Variants in LIG4 observed in about 807,000 individuals in gnomAD.
LIG4 encodes the protein DNA joinase.
A neutral mutation model predicts 19.0 loss-of-function variants in LIG4; 13 were observed. The ratio of observed to expected loss-of-function variants is 0.68; its 90% CI spans 0.44 to 1.09. The LOEUF is 1.09. LIG4 is among the 50% of genes least tolerant of loss of function. The probability of loss-of-function intolerance (pLI) is 0.00; values close to 1 mark genes in which losing one functional copy is unlikely to be tolerated. For synonymous variants in LIG4, 361 were observed against 358.2 expected, an observed-to-expected ratio of 1.01 and a Z score of -0.09; for missense variants, 1,026 against 1,089.7, an observed-to-expected ratio of 0.94 and a Z score of 0.82.
upstream of LIG4, among the ~76,000 whole-genome samples, chr13:108,215,790 A>G (rs1468899135): frequency 6.6e-6 from 1 of 151,754 alleles, no homozygotes; most frequent in Non-Finnish European, 1.5e-5. Flanking sequence ...CTCGAGGGAG[A>G]CCTAAGATCA....
At chr13:108,218,120 C>A (rs1474918813), upstream of LIG4, 1 of 152,190 alleles carries the variant, frequency 6.6e-6, no homozygotes, top group East Asian at 1.9e-4. Flanking sequence ...CATTGCGACA[C>A]CCTTAACAAC....
At chr13:108,213,433 A>G (rs1243154583) in intron 2 of LIG4, among the ~76,000 whole-genome samples, 1 of 152,242 alleles carries the variant, frequency 6.6e-6, no homozygotes, top group Non-Finnish European at 1.5e-5. Context: ...GCAAGGACTT[A>G]AATTACTTTA....
Position 108,209,286 on chromosome 13 carries a change from A to G in LIG4, c.1983T>C (p.Asp661=), listed in dbSNP as rs199638675. 2.9e-4 allele frequency: 466 copies of G among 1,614,108 alleles called. 2 individuals carry two copies. The highest frequency in any genetic ancestry group is 1.0e-3 in the Admixed American group (61 of 60,028). Residue 661 remains aspartate (D), a synonymous_variant, in exon 3 of 3, where the codon GAT becomes GAC. Coordinates refer to ENST00000442234, the MANE Select transcript of LIG4 (RefSeq NM_206937.2). ...TTCCACTCATAACACAAAACTCTACATCTTCAAATATATTAGAAATTTTGT... is the reference window on the plus strand; with the variant it reads ...TTCCACTCATAACACAAAACTCTACGTCTTCAAATATATTAGAAATTTTGT... ...NVNKISNIFE[D]VEFCVMSGTD... is the part of the protein sequence containing the mutation.
Position 108,210,044 on chromosome 13 carries a change from G to A in LIG4, c.1225C>T (p.His409Tyr), listed in dbSNP as rs1878452754. The A allele has an allele frequency of 6.2e-7, 1 of 1,612,406 alleles. No homozygotes were observed. Among genetic ancestry groups the A allele is most frequent in the African/African-American group, 1.3e-5 (1 of 75,020 alleles). The change falls in exon 3 of 3, where the codon CAT (histidine) becomes TAT (tyrosine). Residue 409 changes from histidine to tyrosine, a missense_variant. His to Tyr is a moderately conservative substitution (Grantham distance 83). This residue lies in a region of LIG4 where 493 missense variants were observed against 544.5 expected (regional missense o/e 0.91). Coordinates refer to ENST00000442234, the MANE Select transcript of LIG4 (RefSeq NM_206937.2). Reference protein sequence around the residue: ...RIEIVQKTQAHTKNEVIDALN... With the variant: ...RIEIVQKTQAYTKNEVIDALN... ...GCATCAATTACTTCATTCTTAGTAT[G>A]AGCTTGTGTTTTCTGCACTATTTCT...
chr13:108,210,394 G>A lies in LIG4; in HGVS notation c.875C>T (p.Ser292Phe), dbSNP rs1351636251. Residue 292 changes from serine to phenylalanine, a missense_variant, in exon 3 of 3, where the codon TCT (serine) becomes TTT (phenylalanine). Transcript: ENST00000442234. ...HKDGDVYKYF[S>F]RNGYNYTDQF... ...ATCAGTGTAGTTATATCCATTTCGA[G>A]AGAAGTATTTATATACATCTCCATC... The A allele has an allele frequency of 1.9e-6, 3 of 1,613,608 alleles. No individual in the cohort carries two copies. Among genetic ancestry groups the A allele is most frequent in the Non-Finnish European group, 2.5e-6 (3 of 1,179,914 alleles).
upstream of LIG4, among the ~76,000 whole-genome samples, chr13:108,217,542 CA>C (rs1277992120): frequency 1.3e-5 from 2 of 150,170 alleles, no homozygotes; most frequent in African/African-American, 4.9e-5. Flanking sequence ...AAAACAAAAA[CA>C]AAAAGTAGCG....
At chr13:108,217,390 A>G (rs1879360223), upstream of LIG4, among the ~76,000 whole-genome samples, 1 of 152,086 alleles carries the variant, frequency 6.6e-6, no homozygotes, top group Admixed American at 6.5e-5. Flanking sequence ...GTGGTGGCGC[A>G]TGCCTGTAAT....
In LIG4 at chr13:108,208,489, T is replaced by G; in HGVS notation, c.*44A>C. On this transcript the variant is annotated 3_prime_UTR_variant, in exon 3 of 3. Coordinates refer to ENST00000442234, the MANE Select transcript of LIG4 (RefSeq NM_206937.2). The stretch of plus-strand genomic sequence containing the variant: ...ATTTTATCATTACCACCTGCTGCAA[T>G]GAGTCTGCCAGATCAGAGGCTTTCC... 15 of 1,229,880 alleles carry G rather than the reference T, an allele frequency of 1.2e-5. No individual in the cohort carries two copies. Among genetic ancestry groups the G allele is most frequent in the Non-Finnish European group, 1.7e-5 (14 of 840,782 alleles). 76.2% of individuals were successfully genotyped at this position (1,229,880 alleles called of 1,614,324 possible).
At chr13:108,212,651 T>C (rs3093751) in intron 2 of LIG4, among the ~76,000 whole-genome samples, 4,534 of 151,128 alleles carry the variant, frequency 0.03, 235 homozygotes, top group African/African-American at 0.1. Context: ...GTGCAGAAAA[T>C]ATGTGACTCC....
Position 108,208,858 on chromosome 13 carries a change from G to C in LIG4, c.2411C>G (p.Ser804Cys). ...CATACTGAGAGGAGAGCAATCCCAGGAATACCGATATTCTAAATCAGCAAT... is the reference window on the plus strand; with the variant it reads ...CATACTGAGAGGAGAGCAATCCCAGCAATACCGATATTCTAAATCAGCAAT... ...SLIADLEYRYSWDCSPLSMFR... is the reference protein window; with the variant it reads ...SLIADLEYRYCWDCSPLSMFR... Residue 804 changes from serine to cysteine, a missense_variant, in exon 3 of 3, where the codon TCC becomes TGC. Ser to Cys is a moderately radical substitution (Grantham distance 112). Transcript: ENST00000442234. 1 of 1,614,094 alleles carries C rather than the reference G, an allele frequency of 6.2e-7. No individual in the cohort carries two copies. The highest frequency in any genetic ancestry group is 8.5e-7 in the Non-Finnish European group (1 of 1,180,014).
At chr13:108,215,994 TA>T (rs1036321393), upstream of LIG4, among the ~76,000 whole-genome samples, 25 of 151,824 alleles carry the variant, frequency 1.6e-4, no homozygotes, top group Non-Finnish European at 3.5e-4. Flanking sequence ...TTTTTTTTTT[TA>T]AATGATGTTT....
At chr13:108,217,012 G>A (rs565759455), upstream of LIG4, among the ~76,000 whole-genome samples, 1 of 152,290 alleles carries the variant, frequency 6.6e-6, no homozygotes, top group East Asian at 1.9e-4. Context: ...ATCAAGATTA[G>A]GAAGCTATGA....
chr13:108,208,552 T>C lies in LIG4; in HGVS notation c.2717A>G (p.Glu906Gly). 1 of 1,610,692 alleles carries C rather than the reference T, an allele frequency of 6.2e-7. No homozygotes were observed. Among genetic ancestry groups the C allele is most frequent in the Non-Finnish European group, 8.5e-7 (1 of 1,177,132 alleles). The stretch of plus-strand genomic sequence containing the variant: ...CTAGCTTTAAATCAAATACTGGTTT[T>C]CTTCTTGTAATTCACACTTGTCTAT... ...DSIDKCELQE[E>G]NQYLI The change falls in exon 3 of 3, where the codon GAA (glutamate) becomes GGA (glycine). Residue 906 changes from glutamate (E) to glycine (G), a missense_variant. Around this residue, in one of 3 missense-constraint regions of LIG4, gnomAD observed 521 missense variants for 515.5 expected, o/e 1.01. Transcript: ENST00000442234.
In LIG4 at chr13:108,208,589, C is replaced by T. The variant is rs983917564; in HGVS notation, c.2680G>A (p.Val894Ile). 13 of 1,613,060 alleles carry T rather than the reference C, an allele frequency of 8.1e-6. No homozygotes were observed. The highest frequency in any genetic ancestry group is 1.1e-5 in the Non-Finnish European group (13 of 1,179,328). Residue 894 changes from valine to isoleucine, a missense_variant, in exon 3 of 3, where the codon GTA becomes ATA. Coordinates refer to ENST00000442234, the MANE Select transcript of LIG4 (RefSeq NM_206937.2). ...RKFKILKESW[V>I]TDSIDKCELQ... ...TCACACTTGTCTATTGAATCAGTTA[C>T]CCAACTTTCTTTTAGGATTTTAAAC...
chr13:108,211,037 CTCTT>C lies in LIG4; in HGVS notation c.228_231del (p.Arg79TrpfsTer31). ...TCTTTAATTCCATAGGCCATTCTCT[CTCTT>C]TCTAGCTGAGGAAGAATTAGTCTCA... On this transcript the variant is annotated frameshift_variant, in exon 3 of 3. Coordinates refer to ENST00000442234, the MANE Select transcript of LIG4 (RefSeq NM_206937.2). LOFTEE classifies it high-confidence loss of function. 1 of 1,600,096 alleles carries C rather than the reference CTCTT, an allele frequency of 6.2e-7. No homozygotes were observed. Among genetic ancestry groups the C allele is most frequent in the Non-Finnish European group, 8.5e-7 (1 of 1,174,494 alleles).
rs1420503689 is a variant in LIG4 at position 108,210,742 on chromosome 13, G to A, written c.527C>T (p.Thr176Ile). The A allele has an allele frequency of 5.0e-6, 8 of 1,613,918 alleles. No individual in the cohort carries two copies. The highest frequency in any genetic ancestry group is 6.8e-6 in the Non-Finnish European group (8 of 1,179,980). ...LIKKSLLQLI[T>I]QSSALEQKWL... ...CTTTTGCTCAAGTGCTGAACTCTGA[G>A]TTATAAGTTGAAGAAGGCTCTTTTT... The change falls in exon 3 of 3, where the codon ACT becomes ATT. Residue 176 changes from threonine (T) to isoleucine (I), a missense_variant. Physicochemically the swap from Thr to Ile is moderately conservative, Grantham distance 89. This residue lies in a region of LIG4 where 493 missense variants were observed against 544.5 expected (regional missense o/e 0.91). Transcript: ENST00000442234.
At position 108,215,473 on chromosome 13, in the gene LIG4, AC is replaced by A. The variant is rs1198732429; in HGVS notation, c.-102+10del. ...CAACCGCCCCCACCTGCCACCCCAC[AC>A]CCTTCCCACCTGACGTCAAGCCTGA... On this transcript the variant is annotated intron_variant, in intron 1 of 2. Coordinates refer to ENST00000442234, the MANE Select transcript of LIG4 (RefSeq NM_206937.2). 4 of 51,630 alleles carry A rather than the reference AC, an allele frequency of 7.7e-5. No individual in the cohort carries two copies. The highest frequency in any genetic ancestry group is 2.9e-4 in the African/African-American group (4 of 13,586). 3.2% of individuals were successfully genotyped at this position (51,630 alleles called of 1,614,324 possible). A position where few individuals can be genotyped will look rare whatever the true frequency, so the allele number is the denominator to read the frequency against.
chr13:108,210,350 TAGG>T lies in LIG4; in HGVS notation c.916_918del (p.Pro306del), dbSNP rs1271331341. On this transcript the variant is annotated inframe_deletion, in exon 3 of 3. Coordinates refer to ENST00000442234, the MANE Select transcript of LIG4 (RefSeq NM_206937.2). ...ATGAATGGGGTAAGAGAACCTTCAG[TAGG>T]AGAAGCACCAAACTGATCAGTGTAG... is the stretch of plus-strand genomic sequence containing the variant. 12 of 1,613,856 alleles carry T rather than the reference TAGG, an allele frequency of 7.4e-6. No individual in the cohort carries two copies. The highest frequency in any genetic ancestry group is 1.1e-5 in the South Asian group (1 of 91,084).
chr13:108,213,368 A>G (rs1013484269), intron 2 of LIG4, among the ~76,000 whole-genome samples: 3 of 152,262 alleles, frequency 2.0e-5, no homozygotes, highest in Admixed American at 1.3e-4. Context: ...TTCTACAGAT[A>G]TATCTATAGA....
Sources: allele counts gnomAD v4.1 joint callset (sites outside exome capture counted in the v4.1 genomes callset), GRCh38; gene constraint gnomAD v4.1.1; regional missense constraint gnomAD v4.1.1; transcripts MANE v1.5; gene names NCBI Gene and HGNC (gene_info 2026-07-23, HGNC 2026-07-21).